The following SLC49A4 variants were observed in gnomAD, a reference collection of about 807,000 sequenced individuals.
SLC49A4 encodes the protein disrupted in renal cancer protein 2.
SLC49A4 carries 36 observed loss-of-function variants against 50.6 expected under a neutral mutation model. The ratio of observed to expected loss-of-function variants is 0.71; its 90% CI spans 0.55 to 0.94. The LOEUF (loss-of-function observed/expected upper bound fraction) is 0.94. Among genes scored for constraint, SLC49A4 ranks in the 40% least tolerant of loss-of-function variants. The pLI is 0.00. For missense variants in SLC49A4, 503 were observed against 605.7 expected, an observed-to-expected ratio of 0.83 and a Z score of 1.78; for synonymous variants, 248 against 241.2, an observed-to-expected ratio of 1.03 and a Z score of -0.26.
intron 7 of SLC49A4, 79 bp downstream of exon 7, chr3:122,860,281 T>A: frequency 7.7e-7 from 1 of 1,305,524 alleles, no homozygotes; most frequent in Non-Finnish European, 1.0e-6. Context: ...GTAGGACTTC[T>A]TCTTGCTTTC....
intron 6 of SLC49A4, among the ~76,000 whole-genome samples, chr3:122,857,655 A>G (rs1342323226): frequency 1.3e-5 from 2 of 152,210 alleles, no homozygotes; most frequent in African/African-American, 4.8e-5. Context: ...TAAGAAAACT[A>G]AAAGCTAAAG....
chr3:122,803,455 G>T (rs539612536), intron 1 of SLC49A4, among the ~76,000 whole-genome samples: 1 of 152,322 alleles, frequency 6.6e-6, no homozygotes, highest in African/African-American at 2.4e-5. Context: ...GGATAAAGAT[G>T]ACCTGTGAAT....
chr3:122,876,947 T>C (rs922632657), intron 8 of SLC49A4, among the ~76,000 whole-genome samples: 2 of 152,194 alleles, frequency 1.3e-5, no homozygotes, highest in Non-Finnish European at 2.9e-5. Flanking sequence ...TGGGGCAGAC[T>C]GTAGGCCCCT....
At chr3:122,847,536 G>A (rs143824283) in intron 5 of SLC49A4, among the ~76,000 whole-genome samples, 3,742 of 151,638 alleles carry the variant, frequency 0.025, 142 homozygotes, top group African/African-American at 0.083. Context: ...TAGTAGAGAC[G>A]GGGTTTCACC....
At chr3:122,861,867 G>A (rs1027903078) in intron 7 of SLC49A4, among the ~76,000 whole-genome samples, 1 of 152,212 alleles carries the variant, frequency 6.6e-6, no homozygotes, top group Non-Finnish European at 1.5e-5. Context: ...TGCAACATCT[G>A]TCAGATACTG....
At chr3:122,821,066 A>G (rs1194443905) in intron 2 of SLC49A4, among the ~76,000 whole-genome samples, 1 of 152,166 alleles carries the variant, frequency 6.6e-6, no homozygotes, top group Non-Finnish European at 1.5e-5. Context: ...ATGGTTTTAT[A>G]AAGGGCATTT....
chr3:122,857,284 TA>T (rs10694942), intron 6 of SLC49A4, among the ~76,000 whole-genome samples: 137 of 109,378 alleles, frequency 1.3e-3, no homozygotes, highest in African/African-American at 3.7e-3. Flanking sequence ...CCATTCGTTC[TA>T]AAAAAAAAAA....
intron 4 of SLC49A4, among the ~76,000 whole-genome samples, chr3:122,844,999 G>A (rs1936828853): frequency 6.6e-6 from 1 of 152,078 alleles, no homozygotes; most frequent in Non-Finnish European, 1.5e-5. Flanking sequence ...GGGTACGTGT[G>A]CAGATTTGTT....
rs371077277 is a variant in SLC49A4, at chr3:122,879,304, C to A, written c.1363C>A (p.Leu455Ile). Residue 455 changes from leucine (L) to isoleucine (I), a missense_variant, in exon 9 of 9, where the codon CTC (leucine) becomes ATC (isoleucine). Leu to Ile is a conservative substitution (Grantham distance 5, BLOSUM62 2). Coordinates refer to ENST00000261038, the MANE Select transcript of SLC49A4 (RefSeq NM_032839.3). ...CTGGTGCCTTCCCGGGTCGTGTTTG[C>A]TCAGTCTCCTCCTCATTCTGTGCTT... ...FNWCLPGSCL[L>I]SLLLILCFRE... 6.2e-7 allele frequency: 1 copy of A among 1,614,020 alleles called. No individual in the cohort carries two copies.
intron 3 of SLC49A4, among the ~76,000 whole-genome samples, chr3:122,830,677 A>AACT (rs1936596786): frequency 1.3e-5 from 2 of 152,192 alleles, no homozygotes. Flanking sequence ...TAAAACTATA[A>AACT]AACTCTTGGA....
At chr3:122,824,101 A>C (rs1471055279) in intron 2 of SLC49A4, among the ~76,000 whole-genome samples, 1 of 152,378 alleles carries the variant, frequency 6.6e-6, no homozygotes, top group South Asian at 2.1e-4. Flanking sequence ...TAGTTCTCCT[A>C]CTGAGCTTGT....
chr3:122,861,333 T>C (rs1937056117), intron 7 of SLC49A4, among the ~76,000 whole-genome samples: 2 of 152,242 alleles, frequency 1.3e-5, no homozygotes, highest in African/African-American at 4.8e-5. Flanking sequence ...CAGATTATTA[T>C]TGGCTTATAA....
Position 122,827,042 on chromosome 3 carries a change from G to T in SLC49A4, c.680G>T (p.Arg227Leu). ...AESSRAHIKD[R>L]IEAVLYAEFG... Reference sequence around the variant, plus strand: ...AGCAGCAGGGCGCATATTAAAGATCGCATAGAGGCTGTGTTATATGCAGGT... The same window carrying T: ...AGCAGCAGGGCGCATATTAAAGATCTCATAGAGGCTGTGTTATATGCAGGT... The change falls in exon 3 of 9, where the codon CGC becomes CTC. Residue 227 changes from arginine to leucine, a missense_variant. By Grantham distance (102) the Arg-to-Leu change is moderately radical (BLOSUM62 -2). Transcript: ENST00000261038. 2 of 1,612,270 alleles carry T rather than the reference G, an allele frequency of 1.2e-6. No homozygotes were observed. The highest frequency in any genetic ancestry group is 2.2e-5 in the East Asian group (1 of 44,814).
intron 2 of SLC49A4, among the ~76,000 whole-genome samples, chr3:122,809,230 T>A (rs1936264348): frequency 6.6e-6 from 1 of 152,182 alleles, no homozygotes; most frequent in African/African-American, 2.4e-5. Flanking sequence ...AAAAGGGAGA[T>A]AAGACAATCA....
chr3:122,818,030 A>G (rs1271662924), intron 2 of SLC49A4, among the ~76,000 whole-genome samples: 1 of 152,274 alleles, frequency 6.6e-6, no homozygotes, highest in East Asian at 1.9e-4. Context: ...TAGAGTGTTC[A>G]CACATTTTAA....
In SLC49A4 at chr3:122,847,350, A is replaced by ATTT. The variant is rs56148238; in HGVS notation, c.942+1494_942+1496dup. On this transcript the variant is annotated intron_variant, in intron 5 of 8. Transcript: ENST00000261038. ...TGTCATCCACAACATACAGTGTACA[A>ATTT]TTTTTTTTTTTTTTTTTGATGGAGT... 2.7e-3 allele frequency among the ~76,000 whole-genome samples: 369 copies of ATTT among 139,202 alleles called. 6 individuals are homozygous for ATTT. Among genetic ancestry groups the ATTT allele is most frequent in the South Asian group, 8.9e-3 (39 of 4,390 alleles). The allele number at this position is 139,202 out of a possible 152,430, so 91.3% of individuals were successfully genotyped here.
rs576365744 is a variant in SLC49A4, at chr3:122,795,152, C to G, written c.-41C>G. ...TGCGCTGGGCTAGTCGGCGGTGACCCGGACTGCGCCCGGCAGTGGCTTCGC... is the reference window on the plus strand; with the variant it reads ...TGCGCTGGGCTAGTCGGCGGTGACCGGGACTGCGCCCGGCAGTGGCTTCGC... On this transcript the variant is annotated 5_prime_UTR_variant, in exon 1 of 9. Coordinates refer to ENST00000261038, the MANE Select transcript of SLC49A4 (RefSeq NM_032839.3). 5 of 1,306,034 alleles carry G rather than the reference C, an allele frequency of 3.8e-6. No homozygotes were observed. Among genetic ancestry groups the G allele is most frequent in the South Asian group, 2.5e-5 (1 of 39,432 alleles). 80.9% of individuals were successfully genotyped at this position (1,306,034 alleles called of 1,614,324 possible). A position where few individuals can be genotyped will look rare whatever the true frequency, so the allele number is the denominator to read the frequency against.
At chr3:122,812,345 G>A (rs1936310933) in intron 2 of SLC49A4, among the ~76,000 whole-genome samples, 1 of 152,218 alleles carries the variant, frequency 6.6e-6, no homozygotes, top group Non-Finnish European at 1.5e-5. Context: ...AGAGAAGGAA[G>A]GGTTATAAAT....
chr3:122,823,518 G>C (rs1936482236), intron 2 of SLC49A4, among the ~76,000 whole-genome samples: 1 of 152,168 alleles, frequency 6.6e-6, no homozygotes, highest in African/African-American at 2.4e-5. Flanking sequence ...AAGGGCAAGG[G>C]CTTTAGCTTT....
Sources: gnomAD v4.1 joint callset for allele counts (sites outside exome capture counted in the v4.1 genomes callset) on GRCh38, gnomAD v4.1.1 for gene constraint, MANE v1.5 for transcripts, NCBI Gene and HGNC (gene_info 2026-07-23, HGNC 2026-07-21) for gene names.